The following CMIP variants were observed in gnomAD, a reference collection of about 807,000 sequenced individuals.
CMIP encodes the protein c-Maf inducing protein.
A neutral mutation model predicts 97.3 loss-of-function variants in CMIP; 13 were observed. The observed-to-expected ratio is 0.13, with a 90% CI of 0.09 to 0.21. The LOEUF (loss-of-function observed/expected upper bound fraction) is 0.21. Among genes scored for constraint, CMIP ranks in the 10% least tolerant of loss-of-function variants. The pLI, the probability that CMIP is intolerant of heterozygous loss-of-function variation, is 1.00. For synonymous variants in CMIP, 538 were observed against 436.3 expected (o/e 1.23, Z -2.91); for missense variants, 847 against 1,024.9 (o/e 0.83, Z 2.37).
chr16:81,501,792 A>T (rs1343505081), intron 1 of CMIP, among the ~76,000 whole-genome samples: 1 of 151,836 alleles, frequency 6.6e-6, no homozygotes, highest in African/African-American at 2.4e-5. Context: ...TTGTATTTTT[A>T]GTAGAGTCGG....
chr16:81,495,337 A>G, intron 1 of CMIP: 2 of 1,468,822 alleles, frequency 1.4e-6, no homozygotes, highest in Admixed American at 4.8e-5. Context: ...AGCAGGAGCC[A>G]GGCGACCCAC....
At chr16:81,703,565 G>A (rs916636036) in intron 17 of CMIP, among the ~76,000 whole-genome samples, 3 of 151,282 alleles carry the variant, frequency 2.0e-5, no homozygotes, top group African/African-American at 4.9e-5. Flanking sequence ...ATACACAAAC[G>A]TGCACACAGA....
At chr16:81,576,562 A>G (rs529827659) in intron 1 of CMIP, among the ~76,000 whole-genome samples, 4 of 152,286 alleles carry the variant, frequency 2.6e-5, no homozygotes, top group African/African-American at 9.6e-5. Flanking sequence ...AGATCAAGGC[A>G]CAGAGAGGTC....
intron 1 of CMIP, among the ~76,000 whole-genome samples, chr16:81,537,316 C>T (rs769913074): frequency 1.3e-5 from 2 of 151,972 alleles, no homozygotes; most frequent in African/African-American, 2.4e-5. Context: ...GGGCGGATCA[C>T]TTGAGGCCAG....
intron 1 of CMIP, among the ~76,000 whole-genome samples, chr16:81,604,724 T>C (rs949946530): frequency 2.6e-4 from 40 of 151,864 alleles, no homozygotes; most frequent in African/African-American, 9.7e-4. Context: ...AAAAAAACAG[T>C]ATGTATTTAT....
intron 17 of CMIP, 178 bp from the exon 18 acceptor site, chr16:81,703,761 G>A (rs2151101124): frequency 1.3e-6 from 1 of 760,224 alleles, no homozygotes; most frequent in Non-Finnish European, 2.0e-6. Context: ...TCCCTCTCTG[G>A]CCACCCCCTT....
intron 9 of CMIP, among the ~76,000 whole-genome samples, chr16:81,678,072 C>T (rs1904452045): frequency 6.6e-6 from 1 of 152,192 alleles, no homozygotes; most frequent in Non-Finnish European, 1.5e-5. Flanking sequence ...GGTTGGGCTG[C>T]CATCCCCACC....
chr16:81,483,158 T>C (rs916844786), intron 1 of CMIP, among the ~76,000 whole-genome samples: 3 of 152,110 alleles, frequency 2.0e-5, no homozygotes, highest in Admixed American at 1.3e-4. Flanking sequence ...GTGGTGGCCT[T>C]TGGAATAGGG....
intron 7 of CMIP, chr16:81,665,871 C>G (rs2092597686): frequency 6.6e-6 from 1 of 152,234 alleles, no homozygotes; most frequent in African/African-American, 2.4e-5. Flanking sequence ...TCCTGCATTC[C>G]AGGCCACCAC....
intron 10 of CMIP, among the ~76,000 whole-genome samples, chr16:81,680,075 G>A (rs934930268): frequency 2.6e-5 from 4 of 152,166 alleles, no homozygotes; most frequent in East Asian, 3.9e-4. Flanking sequence ...GGAGGGGTTC[G>A]GGGTATGGCT....
At chr16:81,506,914 A>G (rs2089720041) in intron 1 of CMIP, among the ~76,000 whole-genome samples, 1 of 151,610 alleles carries the variant, frequency 6.6e-6, no homozygotes, top group Non-Finnish European at 1.5e-5. Flanking sequence ...CAAAAAAAAA[A>G]AAAAAAAGAA....
At chr16:81,709,260 T>G (rs187763182) in intron 20 of CMIP, among the ~76,000 whole-genome samples, 2 of 152,150 alleles carry the variant, frequency 1.3e-5, no homozygotes, top group Non-Finnish European at 2.9e-5. Flanking sequence ...GATGAGAATA[T>G]CACTAACAGT....
intron 9 of CMIP, among the ~76,000 whole-genome samples, chr16:81,677,761 G>A (rs1000847251): frequency 2.6e-5 from 4 of 152,314 alleles, no homozygotes; most frequent in African/African-American, 9.6e-5. Context: ...AGACAGAAGG[G>A]CAGATACTGA....
In CMIP at chr16:81,471,705, G is replaced by A. The variant is rs143198557; in HGVS notation, c.300+26164G>A. Among the ~76,000 whole-genome samples, 727 of 152,262 alleles carry A rather than the reference G, an allele frequency of 4.8e-3. 7 individuals carry two copies. Among genetic ancestry groups the A allele is most frequent in the African/African-American group, 0.016 (665 of 41,538 alleles). ...ACATAGACTCTGTTTCATCCTACGCGTACATACTGGTGATAAAGTTTAATT... is the reference window on the plus strand; with the variant it reads ...ACATAGACTCTGTTTCATCCTACGCATACATACTGGTGATAAAGTTTAATT... On this transcript the variant is annotated intron_variant, in intron 1 of 20. Transcript: ENST00000537098.
chr16:81,517,874 G>A, intron 1 of CMIP: 1 of 928,234 alleles, frequency 1.1e-6, no homozygotes, highest in Non-Finnish European at 1.3e-6. Context: ...GCGCAGAGTT[G>A]GCAGTGGCTG....
At chr16:81,573,589 A>G (rs991270616) in intron 1 of CMIP, among the ~76,000 whole-genome samples, 8 of 151,928 alleles carry the variant, frequency 5.3e-5, no homozygotes, top group African/African-American at 1.2e-4. Context: ...TAAGTACAAT[A>G]TATCTGTTAC....
chr16:81,468,729 G>A (rs982736808), intron 1 of CMIP, among the ~76,000 whole-genome samples: 6 of 152,270 alleles, frequency 3.9e-5, no homozygotes, highest in African/African-American at 1.4e-4. Flanking sequence ...AAGCAGCAGG[G>A]TCCCTGGAGA....
At chr16:81,461,960 G>C (rs1031162583) in intron 1 of CMIP, among the ~76,000 whole-genome samples, 2 of 152,222 alleles carry the variant, frequency 1.3e-5, no homozygotes, top group African/African-American at 4.8e-5. Flanking sequence ...CAGTTCTCAT[G>C]GAGCTGGCTG....
intron 6 of CMIP, among the ~76,000 whole-genome samples, chr16:81,663,129 A>G (rs889402587): frequency 5.9e-5 from 9 of 151,752 alleles, no homozygotes; most frequent in African/African-American, 2.2e-4. Context: ...AGGCTATGGC[A>G]CTCGTAGGTA....
Sources: allele counts gnomAD v4.1 joint callset (sites outside exome capture counted in the v4.1 genomes callset), GRCh38; gene constraint gnomAD v4.1.1; transcripts MANE v1.5; gene names NCBI Gene and HGNC (gene_info 2026-07-23, HGNC 2026-07-21).